The following PRDM5 variants were observed in gnomAD, a reference collection of about 807,000 sequenced individuals.
PRDM5 encodes PR/SET domain 5, also known as PR domain zinc finger protein 5.
Under a neutral mutation model 81.2 loss-of-function variants are expected in PRDM5, and 56 were observed. That is an observed-to-expected ratio of 0.69 (90% CI 0.56 to 0.86). The LOEUF (loss-of-function observed/expected upper bound fraction) is 0.86, where lower values mean the gene tolerates loss of function less well. Among genes scored for constraint, PRDM5 ranks in the 40% least tolerant of loss-of-function variants. The probability of loss-of-function intolerance (pLI) is 0.00; values close to 1 mark genes in which losing one functional copy is unlikely to be tolerated. For missense variants in PRDM5, 697 were observed against 770.1 expected (o/e 0.91, Z 1.12); for synonymous variants, 267 against 256.4 (o/e 1.04, Z -0.39).
At chr4:120,889,147 G>A (rs757342788) in intron 2 of PRDM5, among the ~76,000 whole-genome samples, 7 of 151,872 alleles carry the variant, frequency 4.6e-5, no homozygotes, top group South Asian at 2.1e-4. Context: ...CTGTCTTTAC[G>A]TTCATAAAAG....
intron 14 of PRDM5, among the ~76,000 whole-genome samples, chr4:120,734,474 T>C (rs1207999334): frequency 1.3e-5 from 2 of 151,278 alleles, no homozygotes; most frequent in African/African-American, 4.9e-5. Context: ...CAAACTAGCC[T>C]GGCAAACACT....
In PRDM5 at chr4:120,727,415, G is replaced by A. The variant is rs190329922; in HGVS notation, c.1624-17002C>T. Among the ~76,000 whole-genome samples, 189 of 152,194 alleles carry A rather than the reference G, an allele frequency of 1.2e-3. 2 individuals are homozygous for A. Among genetic ancestry groups the A allele is most frequent in the African/African-American group, 4.1e-3 (169 of 41,518 alleles). On this transcript the variant is annotated intron_variant, in intron 14 of 15. Coordinates refer to ENST00000264808, the MANE Select transcript of PRDM5 (RefSeq NM_018699.4). The stretch of plus-strand genomic sequence containing the variant: ...GTAATGCAGATTGACACTAGTCCTG[G>A]GAAAGCCTCTAGAACTGCCCCACTG...
intron 3 of PRDM5, among the ~76,000 whole-genome samples, chr4:120,839,582 T>C (rs1306990836): frequency 6.6e-6 from 1 of 152,146 alleles, no homozygotes; most frequent in Non-Finnish European, 1.5e-5. Flanking sequence ...TGTGCATTCT[T>C]TGGTTCACAG....
intron 14 of PRDM5, among the ~76,000 whole-genome samples, chr4:120,710,649 C>T (rs756175216): frequency 6.6e-6 from 1 of 152,160 alleles, no homozygotes; most frequent in Non-Finnish European, 1.5e-5. Context: ...TGGTTACCCC[C>T]ATGCTGTTCT....
At chr4:120,836,444 C>T (rs944147771) in intron 3 of PRDM5, among the ~76,000 whole-genome samples, 1 of 152,120 alleles carries the variant, frequency 6.6e-6, no homozygotes, top group African/African-American at 2.4e-5. Context: ...AAACAGGATA[C>T]TTGTATTCTT....
At chr4:120,706,416 G>C (rs540247257) in intron 15 of PRDM5, among the ~76,000 whole-genome samples, 1 of 152,098 alleles carries the variant, frequency 6.6e-6, no homozygotes, top group Non-Finnish European at 1.5e-5. Context: ...TCAGATATGT[G>C]ATTTGGGTTA....
chr4:120,844,256 T>C (rs759988607), intron 3 of PRDM5, among the ~76,000 whole-genome samples: 1 of 151,810 alleles, frequency 6.6e-6, no homozygotes, highest in Non-Finnish European at 1.5e-5. Flanking sequence ...TGGCAAGGGG[T>C]GGTGATAATG....
At chr4:120,883,524 G>C (rs1763069891) in intron 2 of PRDM5, among the ~76,000 whole-genome samples, 1 of 147,772 alleles carries the variant, frequency 6.8e-6, no homozygotes, top group Non-Finnish European at 1.5e-5. Context: ...ATCTGAAACT[G>C]GTTCTAAGAA....
At chr4:120,766,320 C>G (rs1186772057) in intron 13 of PRDM5, among the ~76,000 whole-genome samples, 1 of 152,142 alleles carries the variant, frequency 6.6e-6, no homozygotes, top group African/African-American at 2.4e-5. Context: ...AATTAGCCAA[C>G]TCATTAATGT....
chr4:120,739,131 G>A (rs1424343716), intron 14 of PRDM5, among the ~76,000 whole-genome samples: 1 of 152,134 alleles, frequency 6.6e-6, no homozygotes, highest in Admixed American at 6.5e-5. Flanking sequence ...CACATTACTT[G>A]AGGTCCTCAC....
chr4:120,824,877 T>C (rs1561394765), intron 3 of PRDM5, among the ~76,000 whole-genome samples: 1 of 152,200 alleles, frequency 6.6e-6, no homozygotes, highest in African/African-American at 2.4e-5. Context: ...ATGGTGTTAA[T>C]AGGGCTGTTT....
chr4:120,847,720 T>C (rs1278232895), intron 3 of PRDM5, among the ~76,000 whole-genome samples: 1 of 152,102 alleles, frequency 6.6e-6, no homozygotes, highest in African/African-American at 2.4e-5. Context: ...TACATACCAA[T>C]AAGACAGGCT....
chr4:120,891,140 G>A (rs1237139719), intron 2 of PRDM5, among the ~76,000 whole-genome samples: 1 of 152,170 alleles, frequency 6.6e-6, no homozygotes, highest in Non-Finnish European at 1.5e-5. Flanking sequence ...GGCAGAATTT[G>A]ATTGTGAATC....
At chr4:120,815,493 C>T (rs1754365978) in intron 7 of PRDM5, among the ~76,000 whole-genome samples, 1 of 152,234 alleles carries the variant, frequency 6.6e-6, no homozygotes, top group South Asian at 2.1e-4. Flanking sequence ...GTTGTTCACG[C>T]TAGCCTCTAT....
At chr4:120,839,364 A>G (rs1479002869) in intron 3 of PRDM5, 6 of 689,822 alleles carry the variant, frequency 8.7e-6, no homozygotes, top group Non-Finnish European at 1.6e-5. Context: ...GCTCAGAGGA[A>G]ACCTGCAGGT....
At chr4:120,859,257 G>A (rs948755830) in intron 2 of PRDM5, among the ~76,000 whole-genome samples, 39 of 151,034 alleles carry the variant, frequency 2.6e-4, no homozygotes, top group African/African-American at 8.5e-4. Flanking sequence ...CCAGGCTAGA[G>A]GGCAGTGGCA....
intron 2 of PRDM5, among the ~76,000 whole-genome samples, chr4:120,854,759 C>A (rs1401967306): frequency 1.3e-5 from 2 of 152,092 alleles, no homozygotes; most frequent in South Asian, 2.1e-4. Context: ...AAGAGAAGGG[C>A]TCTATTCCAT....
intron 14 of PRDM5, among the ~76,000 whole-genome samples, chr4:120,737,601 T>C (rs1561029635): frequency 6.6e-6 from 1 of 152,238 alleles, no homozygotes; most frequent in African/African-American, 2.4e-5. Context: ...CTACAGCTGC[T>C]GGCACACAGT....
intron 2 of PRDM5, among the ~76,000 whole-genome samples, chr4:120,873,176 A>AT (rs1396807055): frequency 6.6e-6 from 1 of 151,796 alleles, no homozygotes; most frequent in East Asian, 1.9e-4. Flanking sequence ...TAATTTTTGT[A>AT]TTTTTTTGGT....
Sources: gnomAD v4.1 joint callset for allele counts (sites outside exome capture counted in the v4.1 genomes callset) on GRCh38, gnomAD v4.1.1 for gene constraint, MANE v1.5 for transcripts, NCBI Gene and HGNC (gene_info 2026-07-23, HGNC 2026-07-21) for gene names.